The following PSMB8 variants were observed in gnomAD, a reference collection of about 807,000 sequenced individuals.
The protein encoded by PSMB8 is proteasome 20S subunit beta 8, also known as proteasome subunit beta type-8.
A neutral mutation model predicts 32.3 loss-of-function variants in PSMB8; 20 were observed. The observed-to-expected ratio is 0.62, with a 90% CI of 0.44 to 0.90. The LOEUF is 0.90. PSMB8 is among the 40% of genes least tolerant of loss of function. The pLI is 0.00. For synonymous variants in PSMB8, 131 were observed against 135.4 expected (o/e 0.97, Z 0.23); for missense variants, 342 against 365.4 (o/e 0.94, Z 0.52).
intron 4 of PSMB8, 65 bp from the exon 5 acceptor site, chr6:32,841,800 T>A: frequency 7.0e-7 from 1 of 1,432,952 alleles, no homozygotes; most frequent in South Asian, 1.1e-5. Flanking sequence ...GGGGTTCAAA[T>A]ATGAGACATA....
At chr6:32,841,911 C>T in intron 4 of PSMB8, 176 bp from the exon 5 acceptor site, 1 of 1,013,600 alleles carries the variant, frequency 9.9e-7, no homozygotes, top group Non-Finnish European at 1.5e-6. Context: ...GAAAAACAAA[C>T]TTGAAATCAA....
chr6:32,844,015 G>T lies in PSMB8; in HGVS notation c.-19C>A, dbSNP rs761206121. 6.8e-6 allele frequency: 11 copies of T among 1,607,416 alleles called. No individual in the cohort carries two copies. The highest frequency in any genetic ancestry group is 9.4e-6 in the Non-Finnish European group (11 of 1,176,166). On this transcript the variant is annotated 5_prime_UTR_variant, in exon 1 of 6. Transcript: ENST00000374882. ...GCGCCATGACCGCCCAGCACCCAGA[G>T]ATCTGTCCGCTCTCGGAGGAGGAAG...
upstream of PSMB8, chr6:32,844,314 G>T: frequency 1.2e-6 from 2 of 1,613,908 alleles, no homozygotes; most frequent in Non-Finnish European, 1.7e-6. Context: ...ACAGGGGTGG[G>T]TAGGGTCGTG....
At chr6:32,843,359 T>TA (rs1346493126) in intron 1 of PSMB8, among the ~76,000 whole-genome samples, 14 of 152,170 alleles carry the variant, frequency 9.2e-5, no homozygotes, top group Non-Finnish European at 2.9e-5. Context: ...GAGAGTGACT[T>TA]AAAGGGTTTC....
At chr6:32,841,802 T>C (rs1769925052) in intron 4 of PSMB8, 67 bp from the exon 5 acceptor site, 4 of 1,431,422 alleles carry the variant, frequency 2.8e-6, no homozygotes, top group Non-Finnish European at 3.9e-6. Context: ...GGTTCAAATA[T>C]GAGACATAAA....
At chr6:32,843,827 A>T (rs762376463) in intron 1 of PSMB8, 23 bp downstream of exon 1, 29 of 1,611,628 alleles carry the variant, frequency 1.8e-5, no homozygotes, top group Non-Finnish European at 4.2e-6. Flanking sequence ...CTGCATCCCT[A>T]GGGGCTTCCC....
Position 32,843,879 on chromosome 6 carries a change from G to C in PSMB8, c.118C>G (p.Pro40Ala), listed in dbSNP as rs1332370012. The C allele has an allele frequency of 1.2e-6, 2 of 1,612,844 alleles. No individual in the cohort carries two copies. The highest frequency in any genetic ancestry group is 2.2e-5 in the South Asian group (2 of 91,078). Reference protein sequence around the residue: ...PGHYSFSMRSPELALPRGMQP... With the variant: ...PGHYSFSMRSAELALPRGMQP... ...ATTCCCCGGGGTAAAGCGAGCTCTGGAGATCGCATAGAGAAACTGTAGTGT... is the reference window on the plus strand; with the variant it reads ...ATTCCCCGGGGTAAAGCGAGCTCTGCAGATCGCATAGAGAAACTGTAGTGT... The change falls in exon 1 of 6, where the codon CCA (proline) becomes GCA (alanine). Residue 40 changes from proline to alanine, a missense_variant. By Grantham distance (27) the Pro-to-Ala change is conservative. Transcript: ENST00000374882.
At chr6:32,842,414 C>T (rs1455528273) in intron 3 of PSMB8, 151 bp from the exon 4 acceptor site, 1 of 1,154,034 alleles carries the variant, frequency 8.7e-7, no homozygotes, top group Non-Finnish European at 1.3e-6. Context: ...GTATCTGAAA[C>T]ATACAAAGGC....
In PSMB8 at chr6:32,843,048, C is replaced by T. The variant is rs752051688; in HGVS notation, c.189G>A (p.Arg63=). The change falls in exon 2 of 6, where the codon AGG becomes AGA. Residue 63 remains arginine, a synonymous_variant. Transcript: ENST00000374882. ...FFQSLGGDGE[R]NVQIEMAHGT... ...CATGGGCCATCTCAATCTGAACGTT[C>T]CTTTCTCCGTCCCCACCCAGGGACT... 5.3e-5 allele frequency: 86 copies of T among 1,613,098 alleles called. No individual in the cohort carries two copies. Among genetic ancestry groups the T allele is most frequent in the Non-Finnish European group, 7.3e-5 (86 of 1,180,030 alleles).
At chr6:32,841,484 CCCG>C in intron 5 of PSMB8, 44 bp downstream of exon 5, 1 of 1,587,302 alleles carries the variant, frequency 6.3e-7, no homozygotes, top group Non-Finnish European at 8.6e-7. Flanking sequence ...CCCCCCACCA[CCCG>C]CCGACTCCTC....
Position 32,841,589 on chromosome 6 carries a change from G to A in PSMB8, c.684C>T (p.Gly228=). The stretch of plus-strand genomic sequence containing the variant: ...GAGTGGCATAAGCAATAGCCCTGCG[G>A]CCAAGGTCATAGGCCTCTTCAGGGC... The part of the protein sequence containing the change: ...NLSPEEAYDL[G]RRAIAYATHR... The change falls in exon 5 of 6, where the codon GGC becomes GGT. Residue 228 remains glycine (G), a synonymous_variant. Transcript: ENST00000374882. The A allele has an allele frequency of 6.2e-7, 1 of 1,613,036 alleles. No individual in the cohort carries two copies. The highest frequency in any genetic ancestry group is 2.2e-5 in the East Asian group (1 of 44,884).
chr6:32,840,998 G>A lies in PSMB8; in HGVS notation c.792C>T (p.Val264=), dbSNP rs757803348. 1.2e-6 allele frequency: 2 copies of A among 1,613,830 alleles called. No homozygotes were observed. The highest frequency in any genetic ancestry group is 3.3e-5 in the Admixed American group (2 of 60,026). ...CCCGGTACTGGTGCAGCAGGTCACT[G>A]ACATCTGTACTTTCTACTTTCACCC... ...DGWVKVESTD[V]SDLLHQYREA... is the part of the protein sequence containing the mutation. The change falls in exon 6 of 6, where the codon GTC becomes GTT. Residue 264 remains valine (V), a synonymous_variant. Coordinates refer to ENST00000374882, the MANE Select transcript of PSMB8 (RefSeq NM_148919.4).
At chr6:32,841,895 A>G in intron 4 of PSMB8, 160 bp from the exon 5 acceptor site, 2 of 1,016,466 alleles carry the variant, frequency 2.0e-6, no homozygotes, top group South Asian at 1.5e-5. Context: ...TTTAGAAATG[A>G]AAAAGGAAAA....
At chr6:32,841,934 A>G in intron 4 of PSMB8, 199 bp from the exon 5 acceptor site, 1 of 1,013,682 alleles carries the variant, frequency 9.9e-7, no homozygotes, top group Non-Finnish European at 1.5e-6. Flanking sequence ...GTTTAACAAA[A>G]GGGACAAGCT....
At position 32,843,947 on chromosome 6, in the gene PSMB8, G is replaced by A. The variant is rs1312431639; in HGVS notation, c.50C>T (p.Ser17Leu). The stretch of plus-strand genomic sequence containing the variant: ...CCCGCTTCCCGCAACCGGGAGAGCC[G>A]ATTCCGGCCGCTGCCCTCGGGGGGC... ...CGAPRGQRPE[S>L]ALPVAGSGRR... Residue 17 changes from serine to leucine, a missense_variant, in exon 1 of 6, where the codon TCG becomes TTG. Ser to Leu is a moderately radical substitution (Grantham distance 145). Transcript: ENST00000374882. 12 of 1,612,448 alleles carry A rather than the reference G, an allele frequency of 7.4e-6. No individual in the cohort carries two copies. Among genetic ancestry groups the A allele is most frequent in the African/African-American group, 2.7e-5 (2 of 74,802 alleles).
At position 32,841,207 on chromosome 6, in the gene PSMB8, A is replaced by G. The variant is rs113910155; in HGVS notation, c.743-160T>C. On this transcript the variant is annotated intron_variant, in intron 5 of 5. Transcript: ENST00000374882. ...TTCTGACTCTGAAAATTTCCTCCCT[A>G]CTACTCTCCCTCCTTTGAGTCTCTC... Among the ~76,000 whole-genome samples the G allele has an allele frequency of 3.0e-3, 449 of 151,856 alleles. 4 individuals carry two copies. The highest frequency in any genetic ancestry group is 0.018 in the South Asian group (85 of 4,796).
rs773255788 is a variant in PSMB8 at position 32,842,925 on chromosome 6, G to A, written c.295+17C>T. 6.2e-7 allele frequency: 1 copy of A among 1,613,796 alleles called. No homozygotes were observed. The highest frequency in any genetic ancestry group is 1.3e-5 in the African/African-American group (1 of 75,040). The stretch of plus-strand genomic sequence containing the variant: ...CCCAGCTCCCCAGATTCTGCCTGCT[G>A]GAGCGTATACACTCACTAATGTAGG... On this transcript the variant is annotated intron_variant, in intron 2 of 5. Transcript: ENST00000374882.
Position 32,840,819 on chromosome 6 carries a change from C to G in PSMB8, c.*140G>C. On this transcript the variant is annotated 3_prime_UTR_variant, in exon 6 of 6. Transcript: ENST00000374882. ...AGAACACGCAGAAGATGCACTTCACCGGCCTCCTCTGGCTGCTGAGCCCGT... is the reference window on the plus strand; with the variant it reads ...AGAACACGCAGAAGATGCACTTCACGGGCCTCCTCTGGCTGCTGAGCCCGT... 1.4e-6 allele frequency: 1 copy of G among 707,212 alleles called. No individual in the cohort carries two copies. 43.8% of individuals were successfully genotyped at this position (707,212 alleles called of 1,614,324 possible). A position where few individuals can be genotyped will look rare whatever the true frequency, so the allele number is the denominator to read the frequency against.
chr6:32,843,079 A>T lies in PSMB8; in HGVS notation c.158T>A (p.Phe53Tyr). The change falls in exon 2 of 6, where the codon TTC becomes TAC. Residue 53 changes from phenylalanine to tyrosine, a missense_variant. By Grantham distance (22) the Phe-to-Tyr change is conservative. Transcript: ENST00000374882. The stretch of plus-strand genomic sequence containing the variant: ...TCCGTCCCCACCCAGGGACTGGAAG[A>T]ATTCTGTGGGCTGATAAGAGAAAAG... ...ALPRGMQPTE[F>Y]FQSLGGDGER... 1 of 1,613,118 alleles carries T rather than the reference A, an allele frequency of 6.2e-7. No individual in the cohort carries two copies. The highest frequency in any genetic ancestry group is 8.5e-7 in the Non-Finnish European group (1 of 1,180,050).
Sources: allele counts gnomAD v4.1 joint callset (sites outside exome capture counted in the v4.1 genomes callset), GRCh38; gene constraint gnomAD v4.1.1; transcripts MANE v1.5; gene names NCBI Gene and HGNC (gene_info 2026-07-23, HGNC 2026-07-21).